Variants in ENTPD3 observed in about 807,000 individuals in gnomAD.
ENTPD3 encodes the protein ectonucleoside triphosphate diphosphohydrolase 3.
ENTPD3 carries 60 observed loss-of-function variants against 51.2 expected under a neutral mutation model. The ratio of observed to expected loss-of-function variants is 1.17; its 90% confidence interval spans 0.95 to 1.45. The LOEUF (loss-of-function observed/expected upper bound fraction) is 1.45, where lower values mean the gene tolerates loss of function less well. Ranked by LOEUF, ENTPD3 falls within the 40% of genes most tolerant of loss-of-function variation. The probability of loss-of-function intolerance (pLI) is 0.00; values close to 1 mark genes in which losing one functional copy is unlikely to be tolerated. For missense variants in ENTPD3, 593 were observed against 641.1 expected (o/e 0.93, Z 0.81); for synonymous variants, 221 against 238.4 (o/e 0.93, Z 0.67).
chr3:40,424,612 T>C (rs1186850384), intron 10 of ENTPD3, among the ~76,000 whole-genome samples: 3 of 152,030 alleles, frequency 2.0e-5, no homozygotes, highest in Non-Finnish European at 4.4e-5. Flanking sequence ...TATATGATGG[T>C]CAAGTGACCA....
intron 2 of ENTPD3, among the ~76,000 whole-genome samples, chr3:40,390,388 G>T (rs1248967325): frequency 2.0e-5 from 3 of 152,056 alleles, no homozygotes; most frequent in Admixed American, 6.5e-5. Flanking sequence ...TGTAGAGACG[G>T]GGTCTCACTA....
At chr3:40,415,690 C>T (rs560489774) in intron 6 of ENTPD3, 150 bp from the exon 7 acceptor site, 1 of 623,716 alleles carries the variant, frequency 1.6e-6, no homozygotes, top group Non-Finnish European at 2.8e-6. Context: ...TTTTAATTCA[C>T]CACCTCTAAA....
At chr3:40,404,178 T>A (rs531381556) in intron 4 of ENTPD3, among the ~76,000 whole-genome samples, 36 of 152,320 alleles carry the variant, frequency 2.4e-4, no homozygotes, top group Middle Eastern at 3.4e-3. Context: ...TCATCCCTAC[T>A]GTGTGAACCC....
chr3:40,405,874 A>C (rs1483449508), intron 4 of ENTPD3, among the ~76,000 whole-genome samples: 1 of 152,136 alleles, frequency 6.6e-6, no homozygotes, highest in African/African-American at 2.4e-5. Flanking sequence ...CTTACTACAG[A>C]GATGTATAGT....
intron 7 of ENTPD3, among the ~76,000 whole-genome samples, chr3:40,418,874 G>A (rs991660611): frequency 6.6e-5 from 10 of 151,686 alleles, no homozygotes; most frequent in African/African-American, 1.5e-4. Context: ...TTTTTTATGA[G>A]AGCATAATAT....
At chr3:40,414,572 C>T (rs1955701482) in intron 5 of ENTPD3, 109 bp from the exon 6 acceptor site, 1 of 1,205,246 alleles carries the variant, frequency 8.3e-7, no homozygotes, top group Non-Finnish European at 1.2e-6. Context: ...ATCATTCATC[C>T]CCACCAGCAG....
Position 40,423,388 on chromosome 3 carries a change from A to G in ENTPD3, c.1202A>G (p.Gln401Arg). Residue 401 changes from glutamine to arginine, a missense_variant, in exon 9 of 11, where the codon CAG (glutamine) becomes CGG (arginine). Physicochemically the swap from Gln to Arg is conservative, Grantham distance 43. Coordinates refer to ENST00000301825, the MANE Select transcript of ENTPD3 (RefSeq NM_001248.4). Reference protein sequence around the residue: ...FNSSTWNFCSQNWSQLPLLLP... With the variant: ...FNSSTWNFCSRNWSQLPLLLP... ...TCCAGCACCTGGAATTTCTGCTCAC[A>G]GAATTGGAGTCAGGTCAGTATTTAA... The G allele has an allele frequency of 6.2e-7, 1 of 1,611,110 alleles. No homozygotes were observed. Among genetic ancestry groups the G allele is most frequent in the Non-Finnish European group, 8.5e-7 (1 of 1,177,322 alleles).
Position 40,422,972 on chromosome 3 carries a change from C to A in ENTPD3, c.954C>A (p.Asn318Lys), listed in dbSNP as rs538014077. Residue 318 changes from asparagine (N) to lysine (K), a missense_variant, in exon 8 of 11, where the codon AAC becomes AAA. Asn to Lys is a moderately conservative substitution (Grantham distance 94). Coordinates refer to ENST00000301825, the MANE Select transcript of ENTPD3 (RefSeq NM_001248.4). The part of the protein sequence containing the change: ...CTVDQRPESY[N>K]PNDVITFEGT... The stretch of plus-strand genomic sequence containing the variant: ...TGGACCAGAGGCCAGAAAGTTATAA[C>A]CCCAATGATGTCATCACTTTTGAAG... 47 of 1,614,098 alleles carry A rather than the reference C, an allele frequency of 2.9e-5. No homozygotes were observed. The East Asian group carries it at 7.6e-4, about 26-fold the overall frequency.
chr3:40,388,500 C>T (rs1300531642), intron 2 of ENTPD3, among the ~76,000 whole-genome samples: 1 of 151,812 alleles, frequency 6.6e-6, no homozygotes, highest in South Asian at 2.1e-4. Context: ...AACACCCCCA[C>T]CCCTCACTGT....
rs754326249 is a variant in ENTPD3, at chr3:40,427,472, C to T, written c.1554C>T (p.Ser518=). ...LCSATRRKRH[S]EHAFDHAVDS... is the part of the protein sequence containing the mutation. ...CAGCAACCAGAAGAAAGAGGCACTC[C>T]GAGCATGCCTTTGACCATGCAGTGG... Residue 518 remains serine, a synonymous_variant, in exon 11 of 11, where the codon TCC becomes TCT. Transcript: ENST00000301825. 1.4e-5 allele frequency: 22 copies of T among 1,613,190 alleles called. No homozygotes were observed. The highest frequency in any genetic ancestry group is 1.7e-5 in the Admixed American group (1 of 59,980).
intron 4 of ENTPD3, among the ~76,000 whole-genome samples, chr3:40,403,350 G>T (rs1955415453): frequency 6.6e-6 from 1 of 152,174 alleles, no homozygotes; most frequent in South Asian, 2.1e-4. Context: ...AGTGGGCAGA[G>T]AGAAGTACTG....
intron 3 of ENTPD3, chr3:40,392,370 A>G: frequency 3.6e-6 from 2 of 559,454 alleles, no homozygotes; most frequent in Non-Finnish European, 6.3e-6. Context: ...CACCTTCTCC[A>G]AGGACTGTGT....
intron 7 of ENTPD3, among the ~76,000 whole-genome samples, chr3:40,416,803 G>A (rs1955758238): frequency 6.6e-6 from 1 of 152,100 alleles, no homozygotes; most frequent in South Asian, 2.1e-4. Context: ...ACTGCCTAGA[G>A]GGGTATGAGG....
At position 40,407,344 on chromosome 3, in the gene ENTPD3, CA is replaced by C. The variant is rs879309206; in HGVS notation, c.287-4456del. 2.4e-3 allele frequency among the ~76,000 whole-genome samples: 338 copies of C among 138,962 alleles called. 2 individuals carry two copies. Among genetic ancestry groups the C allele is most frequent in the Middle Eastern group, 0.011 (3 of 268 alleles). The allele number at this position is 138,962 out of a possible 152,430, so 91.2% of individuals were successfully genotyped here. ...TAGATGAATTAGCATGTTTGCATTT[CA>C]AAAAAAAAAAACTTTACTTGTGGAC... On this transcript the variant is annotated intron_variant, in intron 4 of 10. Coordinates refer to ENST00000301825, the MANE Select transcript of ENTPD3 (RefSeq NM_001248.4).
chr3:40,410,035 A>G (rs1187399903), intron 4 of ENTPD3, among the ~76,000 whole-genome samples: 1 of 152,260 alleles, frequency 6.6e-6, no homozygotes, highest in Non-Finnish European at 1.5e-5. Context: ...GAGAGAATCT[A>G]GATGTCTCTG....
At chr3:40,394,246 C>A in intron 3 of ENTPD3, 1 of 234,074 alleles carries the variant, frequency 4.3e-6, no homozygotes, top group Non-Finnish European at 8.9e-6. Flanking sequence ...TCCCAAGTAG[C>A]TAGGATCACA....
At chr3:40,406,275 A>G (rs756509668) in intron 4 of ENTPD3, among the ~76,000 whole-genome samples, 2 of 152,178 alleles carry the variant, frequency 1.3e-5, no homozygotes, top group Non-Finnish European at 2.9e-5. Flanking sequence ...CCAAGCATGG[A>G]AGCTGCTCAG....
At chr3:40,413,444 T>G (rs941361711) in intron 5 of ENTPD3, among the ~76,000 whole-genome samples, 1 of 152,182 alleles carries the variant, frequency 6.6e-6, no homozygotes, top group African/African-American at 2.4e-5. Flanking sequence ...CTCTAAAATA[T>G]CTTTGCTTTA....
chr3:40,389,322 C>T (rs1955006037), intron 2 of ENTPD3, among the ~76,000 whole-genome samples: 1 of 151,820 alleles, frequency 6.6e-6, no homozygotes, highest in Non-Finnish European at 1.5e-5. Context: ...TGTGGATTAA[C>T]TGGTTCCTGT....
Sources: gnomAD v4.1 joint callset for allele counts (sites outside exome capture counted in the v4.1 genomes callset) on GRCh38, gnomAD v4.1.1 for gene constraint, MANE v1.5 for transcripts, NCBI Gene and HGNC (gene_info 2026-07-23, HGNC 2026-07-21) for gene names.